Variants in RCAN3 observed in about 807,000 individuals in gnomAD.
The protein encoded by RCAN3 is regulator of calcineurin 3, also known as calcipressin-3.
RCAN3 carries 19 observed loss-of-function variants against 21.9 expected under a neutral mutation model. That is an observed-to-expected ratio of 0.87 (90% CI 0.61 to 1.27). The LOEUF is 1.27. Among genes scored for constraint, RCAN3 ranks in the 50% most tolerant of loss-of-function variants. The probability of loss-of-function intolerance (pLI) is 0.00; values close to 1 mark genes in which losing one functional copy is unlikely to be tolerated. For missense variants in RCAN3, 240 were observed against 300.1 expected, an observed-to-expected ratio of 0.80 and a Z score of 1.48; for synonymous variants, 114 against 112.3, an observed-to-expected ratio of 1.01 and a Z score of -0.09.
intron 4 of RCAN3, among the ~76,000 whole-genome samples, chr1:24,534,365 G>A (rs1650042430): frequency 6.6e-6 from 1 of 152,164 alleles, no homozygotes; most frequent in African/African-American, 2.4e-5. Context: ...CACTTTGGGA[G>A]GCCAAAACAG....
chr1:24,514,357 C>G lies in RCAN3; in HGVS notation c.-16C>G. 1 of 1,603,246 alleles carries G rather than the reference C, an allele frequency of 6.2e-7. No homozygotes were observed. Among genetic ancestry groups the G allele is most frequent in the South Asian group, 1.1e-5 (1 of 89,234 alleles). On this transcript the variant is annotated 5_prime_UTR_variant, in exon 2 of 5. Coordinates refer to ENST00000374395, the MANE Select transcript of RCAN3 (RefSeq NM_013441.4). ...CCTAGGACTATACAGAAGGAAAAGGCCCACTTTGGGGGATAATGCTGAGGG... is the reference window on the plus strand; with the variant it reads ...CCTAGGACTATACAGAAGGAAAAGGGCCACTTTGGGGGATAATGCTGAGGG...
Position 24,536,816 on chromosome 1 carries a change from T to G in RCAN3, c.*1539T>G. On this transcript the variant is annotated 3_prime_UTR_variant, in exon 5 of 5. Coordinates refer to ENST00000374395, the MANE Select transcript of RCAN3 (RefSeq NM_013441.4). ...TAAACTGTGTTGCATACCCCTAATT[T>G]TTTTTTTTTCTGTATCTTCCTTGCC... 7.7e-6 allele frequency: 1 copy of G among 130,486 alleles called. No homozygotes were observed. The highest frequency in any genetic ancestry group is 1.9e-4 in the East Asian group (1 of 5,178). 8.1% of individuals were successfully genotyped at this position (130,486 alleles called of 1,614,324 possible).
rs961247212 is a variant in RCAN3 at position 24,516,990 on chromosome 1, ATTG to A, written c.195+2428_195+2430del. Among the ~76,000 whole-genome samples the A allele has an allele frequency of 7.3e-4, 111 of 152,102 alleles. 1 individual carries two copies. The highest frequency in any genetic ancestry group is 2.4e-3 in the African/African-American group (101 of 41,482). ...TATAAATAAGTTAACCTTGTTGTTT[ATTG>A]TTGTAAAAAACCAGATGAATTGCCA... On this transcript the variant is annotated intron_variant, in intron 2 of 4. Coordinates refer to ENST00000374395, the MANE Select transcript of RCAN3 (RefSeq NM_013441.4).
In RCAN3 at chr1:24,535,998, A is replaced by G. The variant is rs1570493526; in HGVS notation, c.*721A>G. The G allele has an allele frequency of 6.6e-6, 1 of 152,136 alleles. No individual in the cohort carries two copies. Among genetic ancestry groups the G allele is most frequent in the African/African-American group, 2.4e-5 (1 of 41,422 alleles). 9.4% of individuals were successfully genotyped at this position (152,136 alleles called of 1,614,324 possible). ...CTCCAGACATGGCTGCCCAGGAAGG[A>G]CGGCCACTTTAGAAGTGGGACGTAT... On this transcript the variant is annotated 3_prime_UTR_variant, in exon 5 of 5. Coordinates refer to ENST00000374395, the MANE Select transcript of RCAN3 (RefSeq NM_013441.4).
rs1036368324 is a variant in RCAN3, at chr1:24,514,281, G to A, written c.-59-33G>A. 1.0e-5 allele frequency: 12 copies of A among 1,203,976 alleles called. No homozygotes were observed. In the African/African-American group the frequency reaches 1.6e-4, roughly 16 times the overall value. 74.6% of individuals were successfully genotyped at this position (1,203,976 alleles called of 1,614,324 possible). ...ATTGGAACATTATTTGGTCTTCGGA[G>A]TTTTACCTCTGCATTTTCTTTTTTT... On this transcript the variant is annotated intron_variant, in intron 1 of 4. Coordinates refer to ENST00000374395, the MANE Select transcript of RCAN3 (RefSeq NM_013441.4).
chr1:24,505,567 A>C (rs1055108993), intron 1 of RCAN3, among the ~76,000 whole-genome samples: 3 of 152,084 alleles, frequency 2.0e-5, no homozygotes, highest in African/African-American at 7.2e-5. Flanking sequence ...TTAATTTAGA[A>C]ATTTAAAAAA....
chr1:24,527,219 T>C lies in RCAN3; in HGVS notation c.196-3999T>C, dbSNP rs935601718. Among the ~76,000 whole-genome samples, 5 of 152,230 alleles carry C rather than the reference T, an allele frequency of 3.3e-5. No individual in the cohort carries two copies. In the South Asian group the frequency reaches 1.0e-3, roughly 32 times the overall value. On this transcript the variant is annotated intron_variant, in intron 2 of 4. Transcript: ENST00000374395. ...TAGTAGAGATGGGGTTTCACCGCAT[T>C]GGCCAGGCTGGTCTCGAAGTTGATC...
At chr1:24,511,441 C>T (rs112934772) in intron 1 of RCAN3, among the ~76,000 whole-genome samples, 4 of 152,198 alleles carry the variant, frequency 2.6e-5, no homozygotes, top group African/African-American at 4.8e-5. Context: ...ACACCCACGA[C>T]GTGTATTCGT....
intron 3 of RCAN3, among the ~76,000 whole-genome samples, chr1:24,531,973 A>C (rs769852488): frequency 6.6e-6 from 1 of 152,034 alleles, no homozygotes; most frequent in Non-Finnish European, 1.5e-5. Flanking sequence ...TCAGGAGATT[A>C]CTCGTGTATT....
At chr1:24,517,740 C>G (rs1177702248) in intron 2 of RCAN3, among the ~76,000 whole-genome samples, 2 of 152,248 alleles carry the variant, frequency 1.3e-5, no homozygotes, top group East Asian at 3.9e-4. Flanking sequence ...TGCTTGTAAT[C>G]CCAGCACTTT....
At chr1:24,530,625 G>A (rs1018977028) in intron 2 of RCAN3, among the ~76,000 whole-genome samples, 1 of 152,174 alleles carries the variant, frequency 6.6e-6, no homozygotes, top group Admixed American at 6.5e-5. Flanking sequence ...CAGTGTTCTA[G>A]AATTGGGCAT....
chr1:24,527,586 TA>T (rs1421692557), intron 2 of RCAN3, among the ~76,000 whole-genome samples: 1 of 151,932 alleles, frequency 6.6e-6, no homozygotes, highest in Non-Finnish European at 1.5e-5. Flanking sequence ...AAGTGGCAGG[TA>T]AATGTTCAAA....
At chr1:24,522,174 CAT>C (rs1648873086) in intron 2 of RCAN3, among the ~76,000 whole-genome samples, 1 of 152,142 alleles carries the variant, frequency 6.6e-6, no homozygotes, top group Non-Finnish European at 1.5e-5. Context: ...TATACACATA[CAT>C]ATATTTATAC....
rs1267139906 is a variant in RCAN3 at position 24,533,211 on chromosome 1, T to C, written c.498T>C (p.Val166=). 1 of 1,603,380 alleles carries C rather than the reference T, an allele frequency of 6.2e-7. No individual in the cohort carries two copies. Among genetic ancestry groups the C allele is most frequent in the African/African-American group, 1.3e-5 (1 of 74,420 alleles). ...GWKQSEDAMP[V]INYDLLCAVS... Reference sequence around the variant, plus strand: ...AGCAGAGCGAAGATGCGATGCCTGTTATAAATTATGATTTACTCTGTGCTG... The same window carrying C: ...AGCAGAGCGAAGATGCGATGCCTGTCATAAATTATGATTTACTCTGTGCTG... Residue 166 remains valine (V), a synonymous_variant, in exon 4 of 5, where the codon GTT becomes GTC. Coordinates refer to ENST00000374395, the MANE Select transcript of RCAN3 (RefSeq NM_013441.4).
chr1:24,503,629 C>T (rs1647243232), intron 1 of RCAN3, among the ~76,000 whole-genome samples: 2 of 152,228 alleles, frequency 1.3e-5, no homozygotes, highest in Non-Finnish European at 2.9e-5. Context: ...TTCTGTCCGC[C>T]GCCTGGACAG....
chr1:24,531,367 G>A lies in RCAN3; in HGVS notation c.345G>A (p.Gln115=), dbSNP rs1258917429. ...IELHETDFNG[Q]KLKLYFAQVQ... is the part of the protein sequence containing the mutation. Reference sequence around the variant, plus strand: ...TCCACGAAACAGACTTCAATGGGCAGAAGCTAAAGCTATATTTTGCACAGG... The same window carrying A: ...TCCACGAAACAGACTTCAATGGGCAAAAGCTAAAGCTATATTTTGCACAGG... Residue 115 remains glutamine (Q), a synonymous_variant, in exon 3 of 5, where the codon CAG becomes CAA. Transcript: ENST00000374395. 1 of 1,613,054 alleles carries A rather than the reference G, an allele frequency of 6.2e-7. No individual in the cohort carries two copies. The highest frequency in any genetic ancestry group is 8.5e-7 in the Non-Finnish European group (1 of 1,179,550).
chr1:24,528,157 AT>A (rs1399071370), intron 2 of RCAN3, among the ~76,000 whole-genome samples: 2 of 152,044 alleles, frequency 1.3e-5, no homozygotes, highest in Non-Finnish European at 2.9e-5. Context: ...GGAGTTAGGC[AT>A]CTTTAAAGAA....
At chr1:24,507,250 C>T (rs545705233) in intron 1 of RCAN3, among the ~76,000 whole-genome samples, 1 of 152,252 alleles carries the variant, frequency 6.6e-6, no homozygotes, top group Non-Finnish European at 1.5e-5. Flanking sequence ...GCATGCTGGT[C>T]CTACTGTCTT....
At chr1:24,529,064 T>C (rs779976152) in intron 2 of RCAN3, among the ~76,000 whole-genome samples, 1 of 152,136 alleles carries the variant, frequency 6.6e-6, no homozygotes, top group Non-Finnish European at 1.5e-5. Flanking sequence ...TTGAGAAACA[T>C]ACATCTAAAT....
Sources: allele counts gnomAD v4.1 joint callset (sites outside exome capture counted in the v4.1 genomes callset), GRCh38; gene constraint gnomAD v4.1.1; transcripts MANE v1.5; gene names NCBI Gene and HGNC (gene_info 2026-07-23, HGNC 2026-07-21).